CAPZA2: variants seen among roughly 807,000 people sequenced by gnomAD.
The protein encoded by CAPZA2 is capping actin protein of muscle Z-line subunit alpha 2.
In CAPZA2, 13 loss-of-function variants were observed where a neutral mutation model predicts 44.0. The ratio of observed to expected loss-of-function variants is 0.30; its 90% confidence interval spans 0.19 to 0.47. CAPZA2 has a LOEUF of 0.47. Ranked by LOEUF, CAPZA2 falls within the 20% of genes least tolerant of loss-of-function variation. The pLI is 1.00. For missense variants in CAPZA2, 244 were observed against 338.6 expected (o/e 0.72, Z 2.19); for synonymous variants, 94 against 108.2 (o/e 0.87, Z 0.81).
intron 1 of CAPZA2, among the ~76,000 whole-genome samples, chr7:116,881,341 G>GA (rs981238886): frequency 2.6e-5 from 4 of 152,110 alleles, no homozygotes; most frequent in African/African-American, 9.7e-5. Flanking sequence ...TTTAAAGTTA[G>GA]AAAAAATACA....
chr7:116,889,817 TA>T (rs1012750666), intron 2 of CAPZA2, among the ~76,000 whole-genome samples: 6 of 152,160 alleles, frequency 3.9e-5, no homozygotes, highest in African/African-American at 1.4e-4. Flanking sequence ...ATCCAGAAAT[TA>T]AAATCTGCTG....
At chr7:116,910,497 A>C (rs1791576940) in intron 7 of CAPZA2, among the ~76,000 whole-genome samples, 186 bp downstream of exon 7, 1 of 152,204 alleles carries the variant, frequency 6.6e-6, no homozygotes, top group African/African-American at 2.4e-5. Flanking sequence ...TTCCCTAGTC[A>C]TCAAAAATCT....
intron 1 of CAPZA2, among the ~76,000 whole-genome samples, chr7:116,878,728 C>T (rs1014544662): frequency 1.3e-5 from 2 of 152,184 alleles, no homozygotes; most frequent in African/African-American, 4.8e-5. Context: ...AGTGAATGCA[C>T]TGCAGACAAC....
chr7:116,895,926 A>G (rs1425604752), intron 3 of CAPZA2, among the ~76,000 whole-genome samples: 1 of 152,122 alleles, frequency 6.6e-6, no homozygotes, highest in Non-Finnish European at 1.5e-5. Context: ...TCCTCAAAAG[A>G]TAATAATTTG....
chr7:116,869,130 A>G (rs1432677908), intron 1 of CAPZA2, among the ~76,000 whole-genome samples: 1 of 152,252 alleles, frequency 6.6e-6, no homozygotes, highest in African/African-American at 2.4e-5. Flanking sequence ...CTAAAAGCCT[A>G]ATCAGTCACC....
intron 6 of CAPZA2, chr7:116,906,559 A>G (rs1318293049): frequency 1.4e-6 from 1 of 729,874 alleles, no homozygotes; most frequent in Non-Finnish European, 2.0e-6. Flanking sequence ...TGGAAAGAGT[A>G]TGGGACTAGC....
chr7:116,889,566 CAAA>C (rs745664263), intron 2 of CAPZA2, among the ~76,000 whole-genome samples: 1 of 112,930 alleles, frequency 8.9e-6, no homozygotes. Flanking sequence ...CCATCTCTAC[CAAA>C]AAAAAAAAAA....
chr7:116,870,254 T>C (rs148872582), intron 1 of CAPZA2, among the ~76,000 whole-genome samples: 4 of 152,294 alleles, frequency 2.6e-5, no homozygotes, highest in African/African-American at 7.2e-5. Flanking sequence ...TCTAAAAATT[T>C]AGAAGATAGA....
Position 116,917,616 on chromosome 7 carries a change from A to G in CAPZA2, c.721-111A>G, listed in dbSNP as rs975712923. 7.5e-5 allele frequency: 60 copies of G among 803,642 alleles called. No individual in the cohort carries two copies. The African/African-American group carries it at 9.7e-4, about 13-fold the overall frequency. 49.8% of individuals were successfully genotyped at this position (803,642 alleles called of 1,614,324 possible). A position where few individuals can be genotyped will look rare whatever the true frequency, so the allele number is the denominator to read the frequency against. Reference sequence around the variant, plus strand: ...GTTGGGATTTTATTTGACTGTTTAAAAACAGTGAAACAGGCTGCTTAAATA... The same window carrying G: ...GTTGGGATTTTATTTGACTGTTTAAGAACAGTGAAACAGGCTGCTTAAATA... On this transcript the variant is annotated intron_variant, in intron 9 of 9. Coordinates refer to ENST00000361183, the MANE Select transcript of CAPZA2 (RefSeq NM_006136.3).
At chr7:116,899,945 G>T (rs1796974076) in intron 4 of CAPZA2, among the ~76,000 whole-genome samples, 1 of 151,504 alleles carries the variant, frequency 6.6e-6, no homozygotes, top group East Asian at 1.9e-4. Flanking sequence ...AGGATTTAGA[G>T]ATATATCCAA....
intron 1 of CAPZA2, among the ~76,000 whole-genome samples, chr7:116,885,020 T>G (rs1796744359): frequency 6.6e-6 from 1 of 152,248 alleles, no homozygotes. Context: ...TTTGTGCATT[T>G]ATCTGTCTTA....
intron 6 of CAPZA2, 43 bp downstream of exon 6, chr7:116,906,385 T>A (rs1403427756): frequency 6.2e-7 from 1 of 1,601,210 alleles, no homozygotes; most frequent in African/African-American, 1.4e-5. Flanking sequence ...GGCATTGTTT[T>A]AAGTCTTTGT....
At chr7:116,899,737 T>A (rs1181263016) in intron 4 of CAPZA2, among the ~76,000 whole-genome samples, 1 of 151,440 alleles carries the variant, frequency 6.6e-6, no homozygotes, top group Admixed American at 6.6e-5. Flanking sequence ...TATTAACAAT[T>A]TTTTTGGGAT....
chr7:116,911,626 A>G (rs1438476414), intron 7 of CAPZA2, among the ~76,000 whole-genome samples: 1 of 152,238 alleles, frequency 6.6e-6, no homozygotes, highest in Non-Finnish European at 1.5e-5. Context: ...TTTAAAAGCC[A>G]TATAACCTCA....
intron 5 of CAPZA2, among the ~76,000 whole-genome samples, chr7:116,905,316 C>T (rs1254814238): frequency 6.6e-6 from 1 of 152,020 alleles, no homozygotes; most frequent in African/African-American, 2.4e-5. Flanking sequence ...CAAATCAGGT[C>T]ATTAAAATTC....
chr7:116,879,593 A>G (rs533783677), intron 1 of CAPZA2, among the ~76,000 whole-genome samples: 6 of 152,292 alleles, frequency 3.9e-5, no homozygotes, highest in Admixed American at 3.9e-4. Flanking sequence ...CACAGTTCAC[A>G]ATAGGGTGTG....
chr7:116,880,236 TGA>T (rs1306509993), intron 1 of CAPZA2: 6 of 360,516 alleles, frequency 1.7e-5, no homozygotes. Context: ...AGTTTATTTT[TGA>T]GTTTCAAAAA....
intron 2 of CAPZA2, among the ~76,000 whole-genome samples, chr7:116,892,173 A>G (rs1168629811): frequency 6.6e-6 from 1 of 152,158 alleles, no homozygotes; most frequent in Non-Finnish European, 1.5e-5. Flanking sequence ...CTATGTAAGA[A>G]TTATAGTCTT....
At chr7:116,913,694 T>C (rs952893403) in intron 8 of CAPZA2, among the ~76,000 whole-genome samples, 3 of 151,986 alleles carry the variant, frequency 2.0e-5, no homozygotes, top group Admixed American at 1.3e-4. Flanking sequence ...CCTCTGCCTC[T>C]AGGGCTCTAG....
Sources: allele counts gnomAD v4.1 joint callset (sites outside exome capture counted in the v4.1 genomes callset), GRCh38; gene constraint gnomAD v4.1.1; transcripts MANE v1.5; gene names NCBI Gene and HGNC (gene_info 2026-07-23, HGNC 2026-07-21).